Variants in ABCA3 observed in about 807,000 individuals in gnomAD.
The protein encoded by ABCA3 is ATP binding cassette subfamily A member 3, also known as phospholipid-transporting ATPase ABCA3.
A neutral mutation model predicts 172.8 loss-of-function variants in ABCA3; 88 were observed. The ratio of observed to expected loss-of-function variants is 0.51; its 90% CI spans 0.43 to 0.61. ABCA3 has a LOEUF of 0.61. ABCA3 is among the 20% of genes least tolerant of loss of function. The probability of loss-of-function intolerance (pLI) is 0.00; values close to 1 mark genes in which losing one functional copy is unlikely to be tolerated. For missense variants in ABCA3, 2,164 were observed against 2,301.0 expected, an observed-to-expected ratio of 0.94 and a Z score of 1.22; for synonymous variants, 1,066 against 983.8, an observed-to-expected ratio of 1.08 and a Z score of -1.56.
At position 2,332,557 on chromosome 16, in the gene ABCA3, A is replaced by C. The variant is rs532099993; in HGVS notation, c.-538-2703T>G. 1.5e-5 allele frequency: 18 copies of C among 1,173,940 alleles called. 1 individual carries two copies. In the South Asian group the frequency reaches 2.1e-4, roughly 14 times the overall value. 72.7% of individuals were successfully genotyped at this position (1,173,940 alleles called of 1,614,324 possible). On this transcript the variant is annotated intron_variant, in intron 1 of 32. Coordinates refer to ENST00000301732, the MANE Select transcript of ABCA3 (RefSeq NM_001089.3). ...ACCCTCCACACGGACACGAATGTCC[A>C]CACCAGCAAATCGCTCCTTGCTGAG...
chr16:2,276,556 C>G lies in ABCA3; in HGVS notation c.*118G>C. ...GCATACTGCCTTGAATTTTTCATAT[C>G]CATCATAGAAAAAAGTGATTAAAAA... On this transcript the variant is annotated 3_prime_UTR_variant, in exon 33 of 33. Transcript: ENST00000301732. 1 of 1,498,884 alleles carries G rather than the reference C, an allele frequency of 6.7e-7. No homozygotes were observed. Among genetic ancestry groups the G allele is most frequent in the Non-Finnish European group, 9.0e-7 (1 of 1,115,342 alleles). The allele number at this position is 1,498,884 out of a possible 1,614,324, so 92.8% of individuals were successfully genotyped here.
chr16:2,284,692 G>C lies in ABCA3; in HGVS notation c.3703+87C>G. 1 of 1,435,818 alleles carries C rather than the reference G, an allele frequency of 7.0e-7. No individual in the cohort carries two copies. Among genetic ancestry groups the C allele is most frequent in the Admixed American group, 1.9e-5 (1 of 51,616 alleles). 88.9% of individuals were successfully genotyped at this position (1,435,818 alleles called of 1,614,324 possible). ...GAACTGGGCCCATTGCCTGAGTCCC[G>C]CCTCGGCTGTGGCTGGTGCCTCCCT... is the stretch of plus-strand genomic sequence containing the variant. On this transcript the variant is annotated intron_variant, in intron 24 of 32. Transcript: ENST00000301732. The surrounding 1 kb of genome is among the most constrained non-coding windows in gnomAD (Gnocchi z 5.9).
Position 2,287,056 on chromosome 16 carries a change from A to C in ABCA3, c.3005-89T>G, listed in dbSNP as rs918309936. ...CTGAGCATGGCTAATCAGGGACCCA[A>C]TAGAGTGGTGCCAGCATCCTCTGAG... On this transcript the variant is annotated intron_variant, in intron 21 of 32. Coordinates refer to ENST00000301732, the MANE Select transcript of ABCA3 (RefSeq NM_001089.3). This position sits in a 1 kb window ranked among gnomAD's most constrained non-coding sequence, Gnocchi z 4.1. 4 of 1,459,558 alleles carry C rather than the reference A, an allele frequency of 2.7e-6. No homozygotes were observed. The African/African-American group carries it at 5.6e-5, about 20-fold the overall frequency. The allele number at this position is 1,459,558 out of a possible 1,614,324, so 90.4% of individuals were successfully genotyped here.
chr16:2,315,723 G>C (rs2093714218), intron 10 of ABCA3, among the ~76,000 whole-genome samples: 1 of 151,866 alleles, frequency 6.6e-6, no homozygotes, highest in Admixed American at 6.6e-5. Flanking sequence ...GAATGCAGTG[G>C]TACAAACTCA....
At chr16:2,337,485 C>T (rs1261108813) in intron 1 of ABCA3, among the ~76,000 whole-genome samples, 1 of 151,472 alleles carries the variant, frequency 6.6e-6, no homozygotes, top group Non-Finnish European at 1.5e-5. Flanking sequence ...GTGATCCTCC[C>T]ACCTCAGTCT....
chr16:2,291,581 C>T (rs534120839), intron 19 of ABCA3, among the ~76,000 whole-genome samples: 3 of 152,302 alleles, frequency 2.0e-5, no homozygotes, highest in Non-Finnish European at 2.9e-5. Context: ...AGACCCGTGG[C>T]GGGTCTAGGA....
At position 2,319,766 on chromosome 16, in the gene ABCA3, C is replaced by T. The variant is rs199567944; in HGVS notation, c.688G>A (p.Ala230Thr). ...RAIMEYHADA[A>T]TRQLFQRLTV... ...AGTCTCTGGAACAGCTGGCGTGTGG[C>T]GGCATCGGCATGGTACTCCATGATG... The change falls in exon 8 of 33, where the codon GCC (alanine) becomes ACC (threonine). Residue 230 changes from alanine (A) to threonine (T), a missense_variant. Physicochemically the swap from Ala to Thr is moderately conservative, Grantham distance 58. Coordinates refer to ENST00000301732, the MANE Select transcript of ABCA3 (RefSeq NM_001089.3). The T allele has an allele frequency of 3.8e-5, 61 of 1,613,906 alleles. No individual in the cohort carries two copies. Among genetic ancestry groups the T allele is most frequent in the East Asian group, 1.8e-4 (8 of 44,862 alleles).
At chr16:2,331,858 A>G (rs1253056979) in intron 1 of ABCA3, among the ~76,000 whole-genome samples, 1 of 152,170 alleles carries the variant, frequency 6.6e-6, no homozygotes, top group Non-Finnish European at 1.5e-5. Flanking sequence ...AGAGGACAAG[A>G]GCAGAGCTTC....
chr16:2,323,538 C>G lies in ABCA3; in HGVS notation c.598G>C (p.Asp200His), dbSNP rs755896161. ...NPGPREPTSP[D>H]GGEPGYIREG... is the part of the protein sequence containing the mutation. ...AGCTTCTCACCAGGTTCTCCGCCATCAGGGGATGTAGGTTCCCTTGGTCCT... is the reference window on the plus strand; with the variant it reads ...AGCTTCTCACCAGGTTCTCCGCCATGAGGGGATGTAGGTTCCCTTGGTCCT... The change falls in exon 7 of 33, where the codon GAT becomes CAT. Residue 200 changes from aspartate to histidine, a missense_variant. Physicochemically the swap from Asp to His is moderately conservative, Grantham distance 81. Coordinates refer to ENST00000301732, the MANE Select transcript of ABCA3 (RefSeq NM_001089.3). The G allele has an allele frequency of 1.9e-6, 3 of 1,614,158 alleles. No individual in the cohort carries two copies. The highest frequency in any genetic ancestry group is 2.5e-6 in the Non-Finnish European group (3 of 1,180,012).
At chr16:2,304,887 G>C (rs1032051486) in intron 11 of ABCA3, among the ~76,000 whole-genome samples, 11 of 152,042 alleles carry the variant, frequency 7.2e-5, no homozygotes, top group Non-Finnish European at 1.3e-4. Context: ...GTGTTAGCCA[G>C]GGTGGTCTCG....
intron 6 of ABCA3, among the ~76,000 whole-genome samples, 168 bp from the exon 7 acceptor site, chr16:2,323,856 G>A (rs545709149): frequency 6.6e-6 from 1 of 152,250 alleles, no homozygotes; most frequent in South Asian, 2.1e-4. Context: ...AGTGGTCCCT[G>A]TCCTAGCAGG....
chr16:2,300,258 G>A, intron 12 of ABCA3, 110 bp from the exon 13 acceptor site: 4 of 1,487,102 alleles, frequency 2.7e-6, no homozygotes, highest in Non-Finnish European at 3.7e-6. Context: ...CCAGGACTTC[G>A]AGGCACTGCT....
Position 2,279,211 on chromosome 16 carries a change from G to A in ABCA3, c.4360-81C>T. 1.3e-6 allele frequency: 2 copies of A among 1,519,706 alleles called. No individual in the cohort carries two copies. Among genetic ancestry groups the A allele is most frequent in the Admixed American group, 1.8e-5 (1 of 56,502 alleles). 94.1% of individuals were successfully genotyped at this position (1,519,706 alleles called of 1,614,324 possible). A position where few individuals can be genotyped will look rare whatever the true frequency, so the allele number is the denominator to read the frequency against. ...CCAGAGGACCACGGGGACTACCCTTGAGGTGCCCACCACTGCGCCTGTCTG... is the reference window on the plus strand; with the variant it reads ...CCAGAGGACCACGGGGACTACCCTTAAGGTGCCCACCACTGCGCCTGTCTG... On this transcript the variant is annotated intron_variant, in intron 28 of 32. Coordinates refer to ENST00000301732, the MANE Select transcript of ABCA3 (RefSeq NM_001089.3). The surrounding 1 kb of genome is among the most constrained non-coding windows in gnomAD (Gnocchi z 4.4).
In ABCA3 at chr16:2,281,132, A is replaced by G. The variant is rs750616312; in HGVS notation, c.4254T>C (p.Asn1418=). ...TGAAAGTCGTGGTCTTCCCGGCTCC[A>G]TTGAAGCCCAGCAGGCCGAAGCACT... ...KGECFGLLGF[N]GAGKTTTFKM... The change falls in exon 28 of 33, where the codon AAT becomes AAC. Residue 1418 remains asparagine (N), a synonymous_variant. Transcript: ENST00000301732. The surrounding 1 kb of genome is among the most constrained non-coding windows in gnomAD (Gnocchi z 4.7). 5.0e-6 allele frequency: 8 copies of G among 1,613,854 alleles called. No individual in the cohort carries two copies. Among genetic ancestry groups the G allele is most frequent in the Non-Finnish European group, 6.8e-6 (8 of 1,180,024 alleles).
intron 10 of ABCA3, among the ~76,000 whole-genome samples, chr16:2,316,899 G>A (rs954416604): frequency 3.3e-5 from 5 of 152,130 alleles, no homozygotes; most frequent in Non-Finnish European, 7.4e-5. Context: ...GCCAACAGAA[G>A]GCAGGAAAGG....
chr16:2,319,893 G>A (rs942246300), intron 7 of ABCA3, 53 bp from the exon 8 acceptor site: 45 of 1,608,536 alleles, frequency 2.8e-5, no homozygotes, highest in Admixed American at 5.0e-5. Flanking sequence ...TGCTCTCGAG[G>A]GCAGAGGGCC....
At position 2,276,711 on chromosome 16, in the gene ABCA3, G is replaced by T; in HGVS notation, c.5078C>A (p.Ala1693Asp). 1 of 1,613,790 alleles carries T rather than the reference G, an allele frequency of 6.2e-7. No homozygotes were observed. Among genetic ancestry groups the T allele is most frequent in the Non-Finnish European group, 8.5e-7 (1 of 1,180,048 alleles). ...ISLEQVFLSF[A>D]HLQPPTAEEG... Reference sequence around the variant, plus strand: ...CTCTGCGGTGGGCGGCTGCAGGTGGGCGAAGCTCAGGAAGACCTGTTCCAG... The same window carrying T: ...CTCTGCGGTGGGCGGCTGCAGGTGGTCGAAGCTCAGGAAGACCTGTTCCAG... Residue 1693 changes from alanine to aspartate, a missense_variant, in exon 33 of 33, where the codon GCC (alanine) becomes GAC (aspartate). Ala to Asp is a moderately radical substitution (Grantham distance 126, BLOSUM62 -2). Transcript: ENST00000301732.
Position 2,283,017 on chromosome 16 carries a change from C to A in ABCA3, c.4035+169G>T, listed in dbSNP as rs867832392. ...CCCTTGTGAGTGGCGAGGGCTGTGC[C>A]CCGCCCTGGCTGTAAGTGCCGGCTG... is the stretch of plus-strand genomic sequence containing the variant. On this transcript the variant is annotated intron_variant, in intron 26 of 32. Transcript: ENST00000301732. The surrounding 1 kb of genome is among the most constrained non-coding windows in gnomAD (Gnocchi z 5.4). 2.6e-5 allele frequency among the ~76,000 whole-genome samples: 4 copies of A among 152,192 alleles called. No individual in the cohort carries two copies. Among genetic ancestry groups the A allele is most frequent in the African/African-American group, 9.6e-5 (4 of 41,452 alleles).
chr16:2,299,300 G>T, intron 14 of ABCA3, 103 bp downstream of exon 14: 1 of 1,529,550 alleles, frequency 6.5e-7, no homozygotes, highest in South Asian at 1.1e-5. Flanking sequence ...TGTGGTTGGG[G>T]AAGGCCCGAA....
Sources: gnomAD v4.1 joint callset for allele counts (sites outside exome capture counted in the v4.1 genomes callset) on GRCh38, gnomAD v4.1.1 for gene constraint, Gnocchi (gnomAD v3.1) non-coding constraint, MANE v1.5 for transcripts, NCBI Gene and HGNC (gene_info 2026-07-23, HGNC 2026-07-21) for gene names.